TSKU: variants seen among roughly 807,000 people sequenced by gnomAD.
TSKU encodes the protein tsukushi, small leucine rich proteoglycan.
Under a neutral mutation model 11.2 loss-of-function variants are expected in TSKU, and 4 were observed. The ratio of observed to expected loss-of-function variants is 0.36; its 90% CI spans 0.18 to 0.82. The LOEUF is 0.82. Among genes scored for constraint, TSKU ranks in the 40% least tolerant of loss-of-function variants. TSKU has a pLI of 0.50. For synonymous variants in TSKU, 220 were observed against 232.2 expected, an observed-to-expected ratio of 0.95 and a Z score of 0.48; for missense variants, 407 against 482.5, an observed-to-expected ratio of 0.84 and a Z score of 1.47.
chr11:76,794,846 A>T (rs1438678638), intron 1 of TSKU, among the ~76,000 whole-genome samples: 1 of 152,126 alleles, frequency 6.6e-6, no homozygotes, highest in African/African-American at 2.4e-5. Context: ...GCGGTGGGGC[A>T]GTCACTGCAG....
rs1283250895 is a variant in TSKU at position 76,795,494 on chromosome 11, C to A, written c.-8-115C>A. 9.5e-6 allele frequency: 12 copies of A among 1,268,128 alleles called. No homozygotes were observed. The East Asian group carries it at 2.7e-4, about 28-fold the overall frequency. The allele number at this position is 1,268,128 out of a possible 1,614,324, so 78.6% of individuals were successfully genotyped here. A position where few individuals can be genotyped will look rare whatever the true frequency, so the allele number is the denominator to read the frequency against. Reference sequence around the variant, plus strand: ...TCTGGGGAGTGTTCCAGGAAGCATTCCAGGAGGTCGGGGTCTGTGACACCT... The same window carrying A: ...TCTGGGGAGTGTTCCAGGAAGCATTACAGGAGGTCGGGGTCTGTGACACCT... On this transcript the variant is annotated intron_variant, in intron 1 of 1. Coordinates refer to ENST00000333090, the MANE Select transcript of TSKU (RefSeq NM_015516.4).
intron 1 of TSKU, among the ~76,000 whole-genome samples, chr11:76,785,440 C>T (rs1429802651): frequency 1.3e-5 from 2 of 152,146 alleles, no homozygotes; most frequent in Non-Finnish European, 2.9e-5. Context: ...TGGGAATAAC[C>T]CGGAGAAGGG....
At position 76,795,775 on chromosome 11, in the gene TSKU, G is replaced by A. The variant is rs144003041; in HGVS notation, c.159G>A (p.Pro53=). 31 of 1,614,016 alleles carry A rather than the reference G, an allele frequency of 1.9e-5. No individual in the cohort carries two copies. Among genetic ancestry groups the A allele is most frequent in the South Asian group, 4.4e-5 (4 of 91,092 alleles). ...DCSGLGPHIM[P]VPIPLDTAHL... is the part of the protein sequence containing the mutation. ...GCGGCCTGGGCCCCCACATCATGCC[G>A]GTGCCCATCCCTCTGGACACAGCCC... Residue 53 remains proline (P), a synonymous_variant, in exon 2 of 2, where the codon CCG becomes CCA. Coordinates refer to ENST00000333090, the MANE Select transcript of TSKU (RefSeq NM_015516.4).
intron 1 of TSKU, chr11:76,784,069 C>T (rs1149609): frequency 0.14 from 21,388 of 152,416 alleles, 2,017 homozygotes; most frequent in East Asian, 0.4. Flanking sequence ...GGGGCTGCGA[C>T]GGGATTGGTG....
intron 1 of TSKU, among the ~76,000 whole-genome samples, chr11:76,786,715 G>T (rs1004104970): frequency 6.6e-6 from 1 of 152,140 alleles, no homozygotes. Flanking sequence ...AACTGCCCAG[G>T]GGGATCTGCG....
chr11:76,797,814 C>A lies in TSKU; in HGVS notation c.*1136C>A. ...ACCCCCAGGGTAGCATCTCAGCTTC[C>A]GAACCCTGGGCTGTTTCCTTAGTCT... is the stretch of plus-strand genomic sequence containing the variant. On this transcript the variant is annotated 3_prime_UTR_variant, in exon 2 of 2. Transcript: ENST00000333090. The A allele has an allele frequency of 6.0e-6, 1 of 167,250 alleles. No homozygotes were observed. 10.4% of individuals were successfully genotyped at this position (167,250 alleles called of 1,614,324 possible).
Position 76,795,684 on chromosome 11 carries a change from G to A in TSKU, c.68G>A (p.Gly23Glu). 1 of 1,614,030 alleles carries A rather than the reference G, an allele frequency of 6.2e-7. No individual in the cohort carries two copies. The part of the protein sequence containing the change: ...GAQTTRPCFP[G>E]CQCEVETFGL... Reference sequence around the variant, plus strand: ...CAGACAACCCGGCCATGCTTCCCCGGGTGCCAATGCGAGGTGGAGACCTTC... The same window carrying A: ...CAGACAACCCGGCCATGCTTCCCCGAGTGCCAATGCGAGGTGGAGACCTTC... The change falls in exon 2 of 2, where the codon GGG (glycine) becomes GAG (glutamate). Residue 23 changes from glycine to glutamate, a missense_variant. Coordinates refer to ENST00000333090, the MANE Select transcript of TSKU (RefSeq NM_015516.4).
chr11:76,784,219 C>T (rs909196790), intron 1 of TSKU: 23 of 152,574 alleles, frequency 1.5e-4, no homozygotes, highest in African/African-American at 5.5e-4. Flanking sequence ...GAGGAAGGGA[C>T]AGGGCGGCTG....
chr11:76,785,752 T>C (rs1186167136), intron 1 of TSKU, among the ~76,000 whole-genome samples: 3 of 152,082 alleles, frequency 2.0e-5, no homozygotes, highest in Non-Finnish European at 2.9e-5. Context: ...CAGGGTGCGG[T>C]TGGTAATTCT....
intron 1 of TSKU, among the ~76,000 whole-genome samples, chr11:76,795,316 C>G (rs1186949626): frequency 6.6e-6 from 1 of 152,246 alleles, no homozygotes; most frequent in Admixed American, 6.5e-5. Context: ...CTTCAGGTCC[C>G]CCTCACTTCA....
At chr11:76,783,880 G>T (rs1397895943) in intron 1 of TSKU, among the ~76,000 whole-genome samples, 1 of 152,078 alleles carries the variant, frequency 6.6e-6, no homozygotes, top group East Asian at 1.9e-4. Context: ...GAGGGTGTGC[G>T]CACCGAGAGC....
chr11:76,791,775 GT>G, intron 1 of TSKU: 1 of 152,372 alleles, frequency 6.6e-6, no homozygotes, highest in Admixed American at 6.5e-5. Flanking sequence ...AAGAATTGAG[GT>G]TTGGGAACCT....
chr11:76,787,081 C>T (rs1375674064), intron 1 of TSKU, among the ~76,000 whole-genome samples: 1 of 152,160 alleles, frequency 6.6e-6, no homozygotes, highest in Non-Finnish European at 1.5e-5. Context: ...GTAATCATCA[C>T]AGTGACCCGT....
intron 1 of TSKU, among the ~76,000 whole-genome samples, chr11:76,790,638 TC>T (rs1217050789): frequency 1.3e-5 from 2 of 152,202 alleles, no homozygotes; most frequent in African/African-American, 4.8e-5. Flanking sequence ...CCTCATTGTA[TC>T]TTGCCACTGC....
Position 76,796,056 on chromosome 11 carries a change from C to T in TSKU, c.440C>T (p.Ser147Leu), listed in dbSNP as rs1214268385. The change falls in exon 2 of 2, where the codon TCA (serine) becomes TTA (leucine). Residue 147 changes from serine to leucine, a missense_variant. Physicochemically the swap from Ser to Leu is moderately radical, Grantham distance 145. Coordinates refer to ENST00000333090, the MANE Select transcript of TSKU (RefSeq NM_015516.4). This position sits in a 1 kb window ranked among gnomAD's most constrained non-coding sequence, Gnocchi z 4.1. ...NLSHNQLREVSVSAFTTHSQG... is the reference protein window; with the variant it reads ...NLSHNQLREVLVSAFTTHSQG... Reference sequence around the variant, plus strand: ...AGCCACAACCAGCTCCGGGAGGTCTCAGTGTCTGCCTTCACGACGCACAGT... The same window carrying T: ...AGCCACAACCAGCTCCGGGAGGTCTTAGTGTCTGCCTTCACGACGCACAGT... The T allele has an allele frequency of 6.2e-6, 10 of 1,614,098 alleles. No homozygotes were observed. The highest frequency in any genetic ancestry group is 7.6e-6 in the Non-Finnish European group (9 of 1,180,022).
intron 1 of TSKU, among the ~76,000 whole-genome samples, chr11:76,790,362 G>A (rs1045048968): frequency 2.6e-5 from 4 of 152,218 alleles, no homozygotes; most frequent in Admixed American, 6.5e-5. Context: ...GTCGGTGACT[G>A]TGTCTCAGGG....
chr11:76,791,062 CTG>C (rs1194033121), intron 1 of TSKU, among the ~76,000 whole-genome samples: 1 of 152,116 alleles, frequency 6.6e-6, no homozygotes, highest in African/African-American at 2.4e-5. Context: ...GCAAAGGTGA[CTG>C]TTGTTATGTT....
chr11:76,797,007 C>A lies in TSKU; in HGVS notation c.*329C>A. 4.4e-6 allele frequency: 1 copy of A among 225,566 alleles called. No homozygotes were observed. The highest frequency in any genetic ancestry group is 9.4e-6 in the Non-Finnish European group (1 of 106,340). 14.0% of individuals were successfully genotyped at this position (225,566 alleles called of 1,614,324 possible). ...CTGGGCCGGCCTGACCCGCAATGGG[C>A]AGAGGGTGGGTGGGACCCCCTGCTG... is the stretch of plus-strand genomic sequence containing the variant. On this transcript the variant is annotated 3_prime_UTR_variant, in exon 2 of 2. Transcript: ENST00000333090.
At chr11:76,787,119 A>G (rs986633434) in intron 1 of TSKU, among the ~76,000 whole-genome samples, 4 of 151,772 alleles carry the variant, frequency 2.6e-5, no homozygotes, top group African/African-American at 7.3e-5. Flanking sequence ...TTATCACCAT[A>G]TTACAGACGA....
Sources: gnomAD v4.1 joint callset for allele counts (sites outside exome capture counted in the v4.1 genomes callset) on GRCh38, gnomAD v4.1.1 for gene constraint, Gnocchi (gnomAD v3.1) non-coding constraint, MANE v1.5 for transcripts, NCBI Gene and HGNC (gene_info 2026-07-23, HGNC 2026-07-21) for gene names.